The following CNTN3 variants were observed in gnomAD, a reference collection of about 807,000 sequenced individuals.
CNTN3 encodes contactin 3.
CNTN3 carries 60 observed loss-of-function variants against 119.1 expected under a neutral mutation model. The ratio of observed to expected loss-of-function variants is 0.50; its 90% CI spans 0.41 to 0.62. The LOEUF (loss-of-function observed/expected upper bound fraction) is 0.62. Ranked by LOEUF, CNTN3 falls within the 20% of genes least tolerant of loss-of-function variation. The pLI is 0.00. For missense variants in CNTN3, 1,101 were observed against 1,242.4 expected, an observed-to-expected ratio of 0.89 and a Z score of 1.71; for synonymous variants, 450 against 438.7, an observed-to-expected ratio of 1.03 and a Z score of -0.32.
intron 13 of CNTN3, among the ~76,000 whole-genome samples, chr3:74,317,708 C>G (rs1475164341): frequency 2.0e-5 from 3 of 152,164 alleles, no homozygotes; most frequent in African/African-American, 7.2e-5. Context: ...GAGAGATCAG[C>G]TGTTAGTCTG....
intron 2 of CNTN3, among the ~76,000 whole-genome samples, chr3:74,502,043 T>C (rs1198327715): frequency 1.3e-5 from 2 of 152,158 alleles, no homozygotes; most frequent in Non-Finnish European, 1.5e-5. Flanking sequence ...TTTGTAAATA[T>C]AGTGAACATT....
At chr3:74,459,314 C>T (rs568065401) in intron 4 of CNTN3, among the ~76,000 whole-genome samples, 6 of 152,072 alleles carry the variant, frequency 3.9e-5, no homozygotes, top group Admixed American at 2.0e-4. Context: ...TCTTCCTCTG[C>T]GTATTTCCTG....
chr3:74,313,235 G>A (rs574067498), intron 13 of CNTN3, among the ~76,000 whole-genome samples: 1 of 151,994 alleles, frequency 6.6e-6, no homozygotes, highest in East Asian at 1.9e-4. Flanking sequence ...AGAGAAGAAA[G>A]GGAGAAAGGG....
chr3:74,590,368 C>A (rs1455176697), intron 1 of CNTN3, among the ~76,000 whole-genome samples: 4 of 152,016 alleles, frequency 2.6e-5, no homozygotes, highest in Non-Finnish European at 5.9e-5. Flanking sequence ...AGATGCCCAA[C>A]TATCACAAGA....
chr3:74,364,721 C>A, intron 9 of CNTN3, 125 bp from the exon 10 acceptor site: 1 of 704,778 alleles, frequency 1.4e-6, no homozygotes, highest in Non-Finnish European at 2.3e-6. Context: ...GACAGGATGG[C>A]CTGAAATTTA....
chr3:74,280,533 C>T (rs1204715173), intron 20 of CNTN3, among the ~76,000 whole-genome samples: 3 of 152,178 alleles, frequency 2.0e-5, no homozygotes, highest in African/African-American at 7.2e-5. Context: ...GCCCACCTTT[C>T]CCAGTGTGAC....
intron 4 of CNTN3, among the ~76,000 whole-genome samples, chr3:74,461,877 A>G (rs899469588): frequency 6.6e-6 from 1 of 152,076 alleles, no homozygotes; most frequent in Non-Finnish European, 1.5e-5. Context: ...AACTACAAGC[A>G]ATACTGACCA....
intron 3 of CNTN3, among the ~76,000 whole-genome samples, chr3:74,490,217 T>G (rs1189042518): frequency 2.0e-5 from 3 of 152,178 alleles, no homozygotes; most frequent in Non-Finnish European, 4.4e-5. Context: ...CTGTAAGAGA[T>G]TTCTCAGTTA....
At chr3:74,329,844 C>T (rs1703218181) in intron 13 of CNTN3, among the ~76,000 whole-genome samples, 1 of 152,168 alleles carries the variant, frequency 6.6e-6, no homozygotes, top group South Asian at 2.1e-4. Context: ...TGTATCTCTT[C>T]TTGTGATTCT....
At chr3:74,554,431 T>C (rs1397972659) in intron 1 of CNTN3, among the ~76,000 whole-genome samples, 2 of 152,196 alleles carry the variant, frequency 1.3e-5, no homozygotes, top group Non-Finnish European at 2.9e-5. Flanking sequence ...AAGTTTAAAG[T>C]AGTTTTTTCC....
At chr3:74,457,574 G>A (rs1327132111) in intron 4 of CNTN3, among the ~76,000 whole-genome samples, 2 of 150,754 alleles carry the variant, frequency 1.3e-5, no homozygotes, top group African/African-American at 2.4e-5. Context: ...GAGAGGAGAC[G>A]CTATGGAGTC....
intron 2 of CNTN3, among the ~76,000 whole-genome samples, chr3:74,504,759 G>GA (rs1231806504): frequency 7.8e-6 from 1 of 128,434 alleles, no homozygotes; most frequent in Non-Finnish European, 1.8e-5. Context: ...GAAAGCTCCA[G>GA]AGATACTTTC....
intron 1 of CNTN3, among the ~76,000 whole-genome samples, chr3:74,600,039 G>GT (rs142796917): frequency 0.019 from 2,834 of 152,148 alleles, 83 homozygotes; most frequent in African/African-American, 0.066. Flanking sequence ...GTTGATGACA[G>GT]TTTTTTATTT....
intron 13 of CNTN3, among the ~76,000 whole-genome samples, chr3:74,327,531 T>C (rs959583133): frequency 2.6e-5 from 4 of 152,210 alleles, no homozygotes; most frequent in Non-Finnish European, 5.9e-5. Context: ...GTATTTACTA[T>C]CTTGGTAGGT....
In CNTN3 at chr3:74,298,118, G is replaced by C; in HGVS notation, c.2240C>G (p.Thr747Ser). The C allele has an allele frequency of 1.9e-6, 3 of 1,613,714 alleles. No individual in the cohort carries two copies. Among genetic ancestry groups the C allele is most frequent in the Non-Finnish European group, 2.5e-6 (3 of 1,179,794 alleles). The change falls in exon 18 of 23, where the codon ACC (threonine) becomes AGC (serine). Residue 747 changes from threonine to serine, a missense_variant. Coordinates refer to ENST00000263665, the MANE Select transcript of CNTN3 (RefSeq NM_020872.3). ...VVAFRPLGVT[T>S]WIQTVVTSPD... ...GGATGTCACCACTGTCTGGATCCAG[G>C]TGGTAACCCCAAGAGGGCGGAAAGC...
chr3:74,319,500 T>C (rs1463128137), intron 13 of CNTN3, among the ~76,000 whole-genome samples: 1 of 152,084 alleles, frequency 6.6e-6, no homozygotes, highest in Non-Finnish European at 1.5e-5. Context: ...CCTTACACCT[T>C]ATACAAAAAT....
intron 1 of CNTN3, among the ~76,000 whole-genome samples, chr3:74,534,323 G>T (rs9843292): frequency 0.99 from 150,663 of 152,162 alleles, 74,599 homozygotes; most frequent in Middle Eastern, 1. Context: ...TGTCTACAGC[G>T]CCACTCACCC....
At chr3:74,516,637 G>A (rs1703455410) in intron 2 of CNTN3, among the ~76,000 whole-genome samples, 1 of 150,458 alleles carries the variant, frequency 6.6e-6, no homozygotes, top group African/African-American at 2.5e-5. Context: ...TTTCATACTT[G>A]GGGGGATGGT....
rs1701614631 is a variant in CNTN3, at chr3:74,263,528, C to T, written c.*873G>A. The T allele has an allele frequency of 6.9e-6, 1 of 145,468 alleles. No homozygotes were observed. The highest frequency in any genetic ancestry group is 1.5e-5 in the Non-Finnish European group (1 of 65,660). The allele number at this position is 145,468 out of a possible 1,614,324, so 9.0% of individuals were successfully genotyped here. ...CAATTCCTTTTTTAATTTAAAAAAA[C>T]TTTTTTTTTTTGAGAAAGAATAAAA... On this transcript the variant is annotated 3_prime_UTR_variant, in exon 23 of 23. Transcript: ENST00000263665.
Sources: allele counts gnomAD v4.1 joint callset (sites outside exome capture counted in the v4.1 genomes callset), GRCh38; gene constraint gnomAD v4.1.1; transcripts MANE v1.5; gene names NCBI Gene and HGNC (gene_info 2026-07-23, HGNC 2026-07-21).